The following REDIC1 variants were observed in gnomAD, a reference collection of about 807,000 sequenced individuals.
REDIC1 encodes regulator of DNA class I crossover intermediates 1.
the REDIC1 span, among the ~76,000 whole-genome samples, chr12:39,839,734 A>G: frequency 1.3e-5 from 2 of 152,056 alleles, no homozygotes; most frequent in African/African-American, 4.8e-5. Context: ...ACTTTACATG[A>G]CCATTGCTAT....
At chr12:39,797,423 C>G in the REDIC1 span, among the ~76,000 whole-genome samples, 1 of 152,106 alleles carries the variant, frequency 6.6e-6, no homozygotes, top group Non-Finnish European at 1.5e-5. Context: ...TGTTGGTTCT[C>G]TAGCAGAATA....
the REDIC1 span, among the ~76,000 whole-genome samples, chr12:39,825,820 A>C: frequency 1.3e-5 from 2 of 151,998 alleles, no homozygotes; most frequent in South Asian, 2.1e-4. Flanking sequence ...TCCTCTGCTA[A>C]CTCTACAGGC....
At chr12:39,871,361 T>G in the REDIC1 span, among the ~76,000 whole-genome samples, 1 of 143,248 alleles carries the variant, frequency 7.0e-6, no homozygotes, top group Non-Finnish European at 1.5e-5. Context: ...GGTTCTAATA[T>G]TCCACTGCTG....
chr12:39,647,975 C>A, the REDIC1 span: 3 of 1,523,776 alleles, frequency 2.0e-6, no homozygotes, highest in South Asian at 3.9e-5. Context: ...GCAGAATGAC[C>A]AGGTACCTTT....
At chr12:39,703,300 A>G in the REDIC1 span, among the ~76,000 whole-genome samples, 1 of 150,788 alleles carries the variant, frequency 6.6e-6, no homozygotes, top group Non-Finnish European at 1.5e-5. Context: ...ACAGACAAAC[A>G]GAGAGCCAAA....
At chr12:39,728,875 G>T in the REDIC1 span, among the ~76,000 whole-genome samples, 1 of 141,420 alleles carries the variant, frequency 7.1e-6, no homozygotes, top group Non-Finnish European at 1.5e-5. Context: ...ACTTCTTCCT[G>T]ATTTGGTCTT....
chr12:39,712,361 C>T, the REDIC1 span, among the ~76,000 whole-genome samples: 233 of 128,936 alleles, frequency 1.8e-3, 4 homozygotes, highest in African/African-American at 6.6e-3. Context: ...TACATACATA[C>T]ATACATATGT....
chr12:39,903,103 T>G, the REDIC1 span, among the ~76,000 whole-genome samples: 1 of 152,024 alleles, frequency 6.6e-6, no homozygotes, highest in South Asian at 2.1e-4. Flanking sequence ...AATTAGTGAG[T>G]CTAGATAGGA....
the REDIC1 span, among the ~76,000 whole-genome samples, chr12:39,741,084 A>G: frequency 2.0e-5 from 3 of 152,140 alleles, no homozygotes; most frequent in Non-Finnish European, 4.4e-5. Flanking sequence ...CTCTTGTCTC[A>G]GCCTCCCCAG....
chr12:39,748,460 T>C, the REDIC1 span, among the ~76,000 whole-genome samples: 2 of 152,068 alleles, frequency 1.3e-5, no homozygotes, highest in East Asian at 1.9e-4. Flanking sequence ...GACTCCCACA[T>C]AATAATAATG....
At chr12:39,883,583 GT>G in the REDIC1 span, among the ~76,000 whole-genome samples, 5 of 152,112 alleles carry the variant, frequency 3.3e-5, no homozygotes, top group Non-Finnish European at 5.9e-5. Flanking sequence ...AAAAGGGCAG[GT>G]CATGGCATTT....
chr12:39,806,167 A>C, the REDIC1 span, among the ~76,000 whole-genome samples: 1 of 152,212 alleles, frequency 6.6e-6, no homozygotes, highest in Non-Finnish European at 1.5e-5. Context: ...ACTAAAAATT[A>C]AGAAAAAAAT....
At chr12:39,903,593 G>T in the REDIC1 span, among the ~76,000 whole-genome samples, 1 of 152,000 alleles carries the variant, frequency 6.6e-6, no homozygotes, top group Non-Finnish European at 1.5e-5. Context: ...AAACTCATGA[G>T]TTCTAGTTTT....
chr12:39,895,203 C>G, the REDIC1 span, among the ~76,000 whole-genome samples: 4 of 151,840 alleles, frequency 2.6e-5, no homozygotes, highest in Non-Finnish European at 4.4e-5. Flanking sequence ...GTCTGTTACT[C>G]CTAAATGTAC....
the REDIC1 span, among the ~76,000 whole-genome samples, chr12:39,753,960 T>C: frequency 6.6e-6 from 1 of 152,162 alleles, no homozygotes; most frequent in African/African-American, 2.4e-5. Context: ...AGACAATGCA[T>C]TATATTGCCT....
At chr12:39,896,555 TG>T in the REDIC1 span, among the ~76,000 whole-genome samples, 1 of 135,218 alleles carries the variant, frequency 7.4e-6, no homozygotes, top group Non-Finnish European at 1.6e-5. Context: ...TGTGTATACA[TG>T]TATACATATA....
the REDIC1 span, among the ~76,000 whole-genome samples, chr12:39,697,298 AC>A: frequency 6.6e-6 from 1 of 152,208 alleles, no homozygotes; most frequent in African/African-American, 2.4e-5. Flanking sequence ...AGAAATAAAG[AC>A]TTCCTAGACA....
the REDIC1 span, among the ~76,000 whole-genome samples, chr12:39,723,515 G>A: frequency 1.3e-5 from 2 of 151,442 alleles, no homozygotes; most frequent in Non-Finnish European, 2.9e-5. Flanking sequence ...GGGCTTTCTC[G>A]GTGAAACTGA....
At chr12:39,682,258 T>C in the REDIC1 span, among the ~76,000 whole-genome samples, 1 of 152,140 alleles carries the variant, frequency 6.6e-6, no homozygotes, top group South Asian at 2.1e-4. Context: ...CATCTTTCTC[T>C]GGTTAAATGG....
Sources: gnomAD v4.1 joint callset for allele counts (sites outside exome capture counted in the v4.1 genomes callset) on GRCh38, gnomAD v4.1.1 for gene constraint, MANE v1.5 for transcripts, NCBI Gene and HGNC (gene_info 2026-07-23, HGNC 2026-07-21) for gene names.